The following PDE2A variants were observed in gnomAD, a reference collection of about 807,000 sequenced individuals.
The protein encoded by PDE2A is phosphodiesterase 2A.
Under a neutral mutation model 133.6 loss-of-function variants are expected in PDE2A, and 53 were observed. The observed-to-expected ratio is 0.40, with a 90% confidence interval of 0.32 to 0.50. PDE2A has a LOEUF of 0.50. Among genes scored for constraint, PDE2A ranks in the 20% least tolerant of loss-of-function variants. The pLI is 0.73. For synonymous variants in PDE2A, 491 were observed against 490.2 expected, an observed-to-expected ratio of 1.00 and a Z score of -0.02; for missense variants, 796 against 1,232.4, an observed-to-expected ratio of 0.65 and a Z score of 5.30.
At chr11:72,615,158 G>T in intron 2 of PDE2A, 1 of 476,506 alleles carries the variant, frequency 2.1e-6, no homozygotes, top group Non-Finnish European at 4.6e-6. Context: ...CCTCCCAAGG[G>T]TGTCCCCATC....
rs1404083872 is a variant in PDE2A at position 72,577,475 on chromosome 11, G to A, written c.2735C>T (p.Ser912Leu). 3 of 1,613,988 alleles carry A rather than the reference G, an allele frequency of 1.9e-6. No homozygotes were observed. The highest frequency in any genetic ancestry group is 1.1e-5 in the South Asian group (1 of 91,092). Residue 912 changes from serine (S) to leucine (L), a missense_variant, in exon 31 of 31, where the codon TCG becomes TTG. Ser to Leu is a moderately radical substitution (Grantham distance 145, BLOSUM62 -2). Transcript: ENST00000334456. ...FTIRGLPSNN[S>L]LDFLDEEYEV... ...GTACTCCTCATCCAGGAAGTCCAGCGAGTTGTTACTTGGGAGGCCGCGGAT... is the reference window on the plus strand; with the variant it reads ...GTACTCCTCATCCAGGAAGTCCAGCAAGTTGTTACTTGGGAGGCCGCGGAT...
intron 10 of PDE2A, 33 bp downstream of exon 10, chr11:72,589,874 C>G (rs367782834): frequency 8.1e-6 from 13 of 1,608,712 alleles, no homozygotes; most frequent in Non-Finnish European, 1.1e-5. Flanking sequence ...CGCCCAGCCC[C>G]GCCCCCGCTC....
chr11:72,603,254 G>A (rs979142448), intron 4 of PDE2A, among the ~76,000 whole-genome samples: 19 of 151,628 alleles, frequency 1.3e-4, no homozygotes, highest in Non-Finnish European at 4.4e-5. Context: ...ACTGAGCTCT[G>A]GGATAATTGG....
intron 1 of PDE2A, among the ~76,000 whole-genome samples, chr11:72,656,159 C>T (rs551775940): frequency 1.3e-5 from 2 of 152,158 alleles, no homozygotes; most frequent in African/African-American, 2.4e-5. Flanking sequence ...GGGAGAGCCA[C>T]GAGGGGGGCC....
rs562609417 is a variant in PDE2A at position 72,646,051 on chromosome 11, G to T, written c.72-3725C>A. 2.2e-4 allele frequency among the ~76,000 whole-genome samples: 33 copies of T among 152,292 alleles called. No homozygotes were observed. The South Asian group carries it at 6.4e-3, about 30-fold the overall frequency. On this transcript the variant is annotated intron_variant, in intron 1 of 30. Coordinates refer to ENST00000334456, the MANE Select transcript of PDE2A (RefSeq NM_002599.5). ...CTCTTTTGTCCCCAAGAATGCAGTG[G>T]CTGAGGGTCCTACTATCCCGGTGTC...
Position 72,589,974 on chromosome 11 carries a change from T to C in PDE2A, c.764A>G (p.Gln255Arg). The change falls in exon 10 of 31, where the codon CAG (glutamine) becomes CGG (arginine). Residue 255 changes from glutamine (Q) to arginine (R), a missense_variant. Gln to Arg is a conservative substitution (Grantham distance 43). Transcript: ENST00000334456. ...GCAGCAGCGGGATGCCCGGGTCTCC[T>C]GCTGCAGCTGAGAGAGGGACAGGCA... is the stretch of plus-strand genomic sequence containing the variant. ...LQLKVLQYLQ[Q>R]ETRASRCCLL... 1.2e-6 allele frequency: 2 copies of C among 1,611,900 alleles called. No homozygotes were observed. Among genetic ancestry groups the C allele is most frequent in the South Asian group, 2.2e-5 (2 of 90,538 alleles).
intron 6 of PDE2A, among the ~76,000 whole-genome samples, chr11:72,593,087 C>T (rs1856323518): frequency 1.3e-5 from 2 of 151,840 alleles, no homozygotes; most frequent in Admixed American, 6.6e-5. Flanking sequence ...CTACTTGCAC[C>T]CAGCATGTGC....
intron 2 of PDE2A, among the ~76,000 whole-genome samples, chr11:72,630,780 A>G (rs1428485955): frequency 6.6e-6 from 1 of 152,018 alleles, no homozygotes; most frequent in African/African-American, 2.4e-5. Context: ...GGAAATACTC[A>G]GGGCAGAGAA....
In PDE2A at chr11:72,674,247, C is replaced by T; in HGVS notation, c.-40G>A. ...CGCCTCCCCAGCCAGACTAAGGTGG[C>T]ACCTCGCCCTGTCCCCGCTGCCTGG... On this transcript the variant is annotated 5_prime_UTR_variant, in exon 1 of 31. Transcript: ENST00000334456. 1 of 1,584,900 alleles carries T rather than the reference C, an allele frequency of 6.3e-7. No homozygotes were observed. The highest frequency in any genetic ancestry group is 8.6e-7 in the Non-Finnish European group (1 of 1,168,182).
At chr11:72,668,665 C>T (rs951404862) in intron 1 of PDE2A, among the ~76,000 whole-genome samples, 1 of 152,272 alleles carries the variant, frequency 6.6e-6, no homozygotes, top group Non-Finnish European at 1.5e-5. Flanking sequence ...AAATTCACAA[C>T]AGACTACAGC....
chr11:72,604,193 C>T (rs1353757493), intron 4 of PDE2A, among the ~76,000 whole-genome samples: 1 of 152,256 alleles, frequency 6.6e-6, no homozygotes, highest in Non-Finnish European at 1.5e-5. Flanking sequence ...CCACATCCTT[C>T]AGAGCCTGCC....
intron 2 of PDE2A, among the ~76,000 whole-genome samples, chr11:72,641,965 G>A (rs1858970512): frequency 6.6e-6 from 1 of 152,232 alleles, no homozygotes; most frequent in East Asian, 1.9e-4. Flanking sequence ...AAGGGAATTC[G>A]AGGCTTGGGC....
chr11:72,626,909 AGCC>A (rs1282047132), intron 2 of PDE2A, among the ~76,000 whole-genome samples: 2 of 152,192 alleles, frequency 1.3e-5, no homozygotes. Flanking sequence ...TCCTTGCTCC[AGCC>A]TCCTCTATCT....
intron 2 of PDE2A, among the ~76,000 whole-genome samples, chr11:72,625,745 G>A (rs1858026719): frequency 6.6e-6 from 1 of 152,152 alleles, no homozygotes; most frequent in Non-Finnish European, 1.5e-5. Context: ...CTAGGCAGGG[G>A]CCTCTGGCAC....
intron 1 of PDE2A, among the ~76,000 whole-genome samples, chr11:72,672,556 G>C (rs1180159659): frequency 6.6e-6 from 1 of 151,994 alleles, no homozygotes; most frequent in Non-Finnish European, 1.5e-5. Flanking sequence ...GGCTCCCCAG[G>C]GCTCTCTGGA....
chr11:72,631,267 C>T (rs945741830), intron 2 of PDE2A: 2 of 649,704 alleles, frequency 3.1e-6, no homozygotes, highest in Non-Finnish European at 2.7e-6. Context: ...TGCCTGCTTG[C>T]ACCCTGCTCT....
chr11:72,578,390 C>T lies in PDE2A; in HGVS notation c.2509-51G>A. The T allele has an allele frequency of 6.3e-7, 1 of 1,575,436 alleles. No homozygotes were observed. The highest frequency in any genetic ancestry group is 1.1e-5 in the South Asian group (1 of 90,318). On this transcript the variant is annotated intron_variant, in intron 29 of 30. Coordinates refer to ENST00000334456, the MANE Select transcript of PDE2A (RefSeq NM_002599.5). This position sits in a 1 kb window ranked among gnomAD's most constrained non-coding sequence, Gnocchi z 4.2. ...GTCCCTCTCATTCCTCCATCGGGTA[C>T]CAGGGTCAGGCTAGTTCAAGCCCTC...
chr11:72,618,499 C>A (rs1423803565), intron 2 of PDE2A, among the ~76,000 whole-genome samples: 1 of 152,236 alleles, frequency 6.6e-6, no homozygotes, highest in East Asian at 1.9e-4. Context: ...GGCACCAAGG[C>A]ACAGAGCCCT....
chr11:72,633,969 A>G (rs1276075671), intron 2 of PDE2A, among the ~76,000 whole-genome samples: 1 of 152,188 alleles, frequency 6.6e-6, no homozygotes, highest in Non-Finnish European at 1.5e-5. Flanking sequence ...CCTACTGTGC[A>G]GCTTTGGACA....
Sources: gnomAD v4.1 joint callset for allele counts (sites outside exome capture counted in the v4.1 genomes callset) on GRCh38, gnomAD v4.1.1 for gene constraint, Gnocchi (gnomAD v3.1) non-coding constraint, MANE v1.5 for transcripts, NCBI Gene and HGNC (gene_info 2026-07-23, HGNC 2026-07-21) for gene names.